TAFA2: variants seen among roughly 807,000 people sequenced by gnomAD.
TAFA2 encodes chemokine-like protein TAFA-2.
TAFA2 carries 7 observed loss-of-function variants against 18.8 expected under a neutral mutation model. The observed-to-expected ratio is 0.37, with a 90% CI of 0.21 to 0.70. The LOEUF (loss-of-function observed/expected upper bound fraction) is 0.70. TAFA2 is among the 30% of genes least tolerant of loss of function. The probability of loss-of-function intolerance (pLI) is 0.53; values close to 1 mark genes in which losing one functional copy is unlikely to be tolerated. For synonymous variants in TAFA2, 60 were observed against 54.2 expected (o/e 1.11, Z -0.47); for missense variants, 122 against 158.1 (o/e 0.77, Z 1.23).
intron 1 of TAFA2, among the ~76,000 whole-genome samples, chr12:61,882,133 A>ATGG (rs1258780865): frequency 6.6e-6 from 1 of 152,188 alleles, no homozygotes; most frequent in African/African-American, 2.4e-5. Context: ...ACTGCCTTCC[A>ATGG]TGGGAGAATC....
At chr12:62,223,708 G>C (rs1247658037) in intron 1 of TAFA2, among the ~76,000 whole-genome samples, 1 of 152,064 alleles carries the variant, frequency 6.6e-6, no homozygotes, top group Non-Finnish European at 1.5e-5. Context: ...TCATGATATT[G>C]GATTTGGCAA....
intron 1 of TAFA2, among the ~76,000 whole-genome samples, chr12:62,097,288 C>G (rs2136843008): frequency 6.6e-6 from 1 of 152,170 alleles, no homozygotes; most frequent in South Asian, 2.1e-4. Flanking sequence ...TATTTGGACT[C>G]TGGTTCCTGA....
At chr12:62,116,827 T>C (rs1869983558) in intron 1 of TAFA2, among the ~76,000 whole-genome samples, 1 of 152,180 alleles carries the variant, frequency 6.6e-6, no homozygotes, top group African/African-American at 2.4e-5. Flanking sequence ...CAGCCCCTAG[T>C]TCCTCAAAAT....
At chr12:61,861,811 T>A (rs185520398) in intron 2 of TAFA2, among the ~76,000 whole-genome samples, 8 of 152,320 alleles carry the variant, frequency 5.3e-5, no homozygotes, top group African/African-American at 1.9e-4. Flanking sequence ...AGTACAATTA[T>A]CACATATCAA....
At chr12:61,873,944 A>C (rs897179974) in intron 1 of TAFA2, among the ~76,000 whole-genome samples, 4 of 152,208 alleles carry the variant, frequency 2.6e-5, no homozygotes, top group African/African-American at 9.6e-5. Context: ...ACAGTAACAA[A>C]TTAGGAGATA....
intron 2 of TAFA2, among the ~76,000 whole-genome samples, chr12:61,760,980 A>T (rs533393345): frequency 6.6e-6 from 1 of 152,038 alleles, no homozygotes; most frequent in South Asian, 2.1e-4. Context: ...TATAGATTTC[A>T]TTAAATTCTC....
chr12:62,202,937 A>T (rs1438792329), intron 1 of TAFA2, among the ~76,000 whole-genome samples: 1 of 144,396 alleles, frequency 6.9e-6, no homozygotes, highest in African/African-American at 2.6e-5. Context: ...AGTAATTCTC[A>T]TACCTCAGCC....
intron 1 of TAFA2, among the ~76,000 whole-genome samples, chr12:61,983,623 G>A (rs558519350): frequency 6.6e-6 from 1 of 152,130 alleles, no homozygotes; most frequent in Admixed American, 6.6e-5. Flanking sequence ...GGCCAGGATG[G>A]TCTCGATCTC....
At chr12:61,728,378 A>G (rs1467516456) in intron 4 of TAFA2, among the ~76,000 whole-genome samples, 2 of 152,118 alleles carry the variant, frequency 1.3e-5, no homozygotes, top group South Asian at 4.1e-4. Context: ...TAGGTCTAGC[A>G]GTAATTGTTT....
chr12:61,966,680 A>AT (rs1328799218), intron 1 of TAFA2, among the ~76,000 whole-genome samples: 12 of 151,924 alleles, frequency 7.9e-5, no homozygotes, highest in African/African-American at 2.9e-4. Context: ...TACTTATGCA[A>AT]TTAAATTGAA....
intron 2 of TAFA2, among the ~76,000 whole-genome samples, chr12:61,838,201 A>G (rs570601261): frequency 6.6e-6 from 1 of 152,074 alleles, no homozygotes; most frequent in Admixed American, 6.6e-5. Flanking sequence ...TAAAATTGAT[A>G]TCAGAGAGGC....
intron 1 of TAFA2, among the ~76,000 whole-genome samples, chr12:62,189,740 G>A (rs1222184467): frequency 6.6e-6 from 1 of 152,108 alleles, no homozygotes; most frequent in East Asian, 1.9e-4. Flanking sequence ...TAACTTATAT[G>A]CCTAATAAAG....
chr12:62,162,389 G>C (rs1009283970), intron 1 of TAFA2, among the ~76,000 whole-genome samples: 43 of 152,148 alleles, frequency 2.8e-4, no homozygotes, highest in African/African-American at 1.0e-3. Flanking sequence ...CCTCTTACTG[G>C]AGAAGTAGTT....
chr12:61,766,898 G>C (rs774837708), intron 2 of TAFA2, among the ~76,000 whole-genome samples: 11 of 152,080 alleles, frequency 7.2e-5, no homozygotes, highest in Non-Finnish European at 1.2e-4. Flanking sequence ...GGAGAGCCAA[G>C]TACAGTTTTA....
chr12:61,795,742 G>A (rs1307887252), intron 2 of TAFA2, among the ~76,000 whole-genome samples: 1 of 147,474 alleles, frequency 6.8e-6, no homozygotes, highest in Non-Finnish European at 1.5e-5. Flanking sequence ...AAAAAACTAA[G>A]CAAAATAAAC....
intron 1 of TAFA2, among the ~76,000 whole-genome samples, chr12:61,915,835 C>A (rs1160852210): frequency 6.6e-6 from 1 of 152,186 alleles, no homozygotes; most frequent in African/African-American, 2.4e-5. Flanking sequence ...TGATGCCCAT[C>A]CACATTGGTG....
chr12:62,006,115 T>A (rs1328835296), intron 1 of TAFA2, among the ~76,000 whole-genome samples: 1 of 152,210 alleles, frequency 6.6e-6, no homozygotes, highest in Non-Finnish European at 1.5e-5. Flanking sequence ...TTGAACAGTA[T>A]AAAATCTACC....
chr12:61,796,160 A>C (rs1017425062), intron 2 of TAFA2, among the ~76,000 whole-genome samples: 1 of 152,158 alleles, frequency 6.6e-6, no homozygotes, highest in Non-Finnish European at 1.5e-5. Context: ...AAATGAAAAC[A>C]TATTTCTAGA....
At chr12:61,928,215 G>T (rs1335343111) in intron 1 of TAFA2, among the ~76,000 whole-genome samples, 2 of 152,294 alleles carry the variant, frequency 1.3e-5, no homozygotes, top group South Asian at 4.1e-4. Flanking sequence ...TCATCAGAGT[G>T]TATAGGCAAC....
Sources: allele counts gnomAD v4.1 joint callset (sites outside exome capture counted in the v4.1 genomes callset), GRCh38; gene constraint gnomAD v4.1.1; transcripts MANE v1.5; gene names NCBI Gene and HGNC (gene_info 2026-07-23, HGNC 2026-07-21).